The following GALM variants were observed in gnomAD, a reference collection of about 807,000 sequenced individuals.
GALM encodes galactose mutarotase.
A neutral mutation model predicts 37.4 loss-of-function variants in GALM; 43 were observed. That is an observed-to-expected ratio of 1.15 (90% CI 0.90 to 1.48). The LOEUF is 1.48. Among genes scored for constraint, GALM ranks in the 40% most tolerant of loss-of-function variants. The pLI, the probability that GALM is intolerant of heterozygous loss-of-function variation, is 0.00. For synonymous variants in GALM, 199 were observed against 170.6 expected (o/e 1.17, Z -1.30); for missense variants, 456 against 419.1 (o/e 1.09, Z -0.77).
intron 2 of GALM, among the ~76,000 whole-genome samples, chr2:38,679,324 A>G (rs1361987587): frequency 6.6e-6 from 1 of 151,708 alleles, no homozygotes; most frequent in Non-Finnish European, 1.5e-5. Flanking sequence ...TTTTCCTTCT[A>G]AACAATGGAC....
Position 38,716,434 on chromosome 2 carries a change from G to A in GALM, c.635-13122G>A, listed in dbSNP as rs535326712. ...ATTCCAAATGTGCATTTCAACATCAGGTCATGACGGTGCAACTTGTTTTGT... is the reference window on the plus strand; with the variant it reads ...ATTCCAAATGTGCATTTCAACATCAAGTCATGACGGTGCAACTTGTTTTGT... On this transcript the variant is annotated intron_variant, in intron 4 of 6. Transcript: ENST00000272252. 2.0e-5 allele frequency among the ~76,000 whole-genome samples: 3 copies of A among 152,270 alleles called. No individual in the cohort carries two copies. The East Asian group carries it at 5.8e-4, about 29-fold the overall frequency.
intron 4 of GALM, among the ~76,000 whole-genome samples, chr2:38,724,808 G>T (rs536025449): frequency 1.3e-5 from 2 of 152,196 alleles, no homozygotes; most frequent in Non-Finnish European, 2.9e-5. Context: ...TCCTGAAGGT[G>T]TTCAAGCATA....
At chr2:38,682,373 T>G (rs1286107174) in intron 3 of GALM, 5 of 325,070 alleles carry the variant, frequency 1.5e-5, no homozygotes, top group Non-Finnish European at 3.4e-5. Flanking sequence ...TGACTCACTT[T>G]GGCCTGATTT....
At position 38,733,960 on chromosome 2, in the gene GALM, A is replaced by T. The variant is rs542623890; in HGVS notation, c.*395A>T. The stretch of plus-strand genomic sequence containing the variant: ...ATTTCCTCCTCCTTCACCTCCAACC[A>T]CTGTCAGCAGCACTCTGGAGTTTTC... On this transcript the variant is annotated 3_prime_UTR_variant, in exon 7 of 7. Coordinates refer to ENST00000272252, the MANE Select transcript of GALM (RefSeq NM_138801.3). 52 of 289,168 alleles carry T rather than the reference A, an allele frequency of 1.8e-4. No homozygotes were observed. Among genetic ancestry groups the T allele is most frequent in the African/African-American group, 1.1e-3 (50 of 46,102 alleles). 17.9% of individuals were successfully genotyped at this position (289,168 alleles called of 1,614,324 possible).
rs1238998465 is a variant in GALM, at chr2:38,722,052, C to G, written c.635-7504C>G. The stretch of plus-strand genomic sequence containing the variant: ...CCTTCCCCCCCCCACCCCCCCCCCC[C>G]ACCTAGAACAGAAGCGCATCATGCG... On this transcript the variant is annotated intron_variant, in intron 4 of 6. Coordinates refer to ENST00000272252, the MANE Select transcript of GALM (RefSeq NM_138801.3). Among the ~76,000 whole-genome samples, 232 of 121,682 alleles carry G rather than the reference C, an allele frequency of 1.9e-3. 1 individual carries two copies. The highest frequency in any genetic ancestry group is 6.1e-3 in the African/African-American group (212 of 34,730). The allele number at this position is 121,682 out of a possible 152,430, so 79.8% of individuals were successfully genotyped here.
chr2:38,722,052 C>CCCCCCCCCA (rs1666391057), intron 4 of GALM, among the ~76,000 whole-genome samples: 6 of 121,570 alleles, frequency 4.9e-5, no homozygotes, highest in Non-Finnish European at 7.2e-5. Flanking sequence ...CCCCCCCCCC[C>CCCCCCCCCA]ACCTAGAACA....
intron 4 of GALM, among the ~76,000 whole-genome samples, chr2:38,709,759 A>C (rs1215550697): frequency 6.6e-6 from 1 of 152,190 alleles, no homozygotes; most frequent in Non-Finnish European, 1.5e-5. Context: ...AAAAATTCCC[A>C]CCCAGGGTGT....
chr2:38,730,204 C>G (rs1053865778), intron 5 of GALM, among the ~76,000 whole-genome samples: 1 of 152,226 alleles, frequency 6.6e-6, no homozygotes, highest in Non-Finnish European at 1.5e-5. Flanking sequence ...ACCTCTACCC[C>G]AACACCTAAT....
intron 1 of GALM, chr2:38,669,567 G>GC (rs1359071927): frequency 6.6e-6 from 1 of 152,164 alleles, no homozygotes; most frequent in Non-Finnish European, 1.5e-5. Flanking sequence ...CCTCCTATGA[G>GC]TTTTTCAACC....
intron 4 of GALM, among the ~76,000 whole-genome samples, chr2:38,723,320 C>T (rs1407403577): frequency 6.6e-6 from 1 of 152,186 alleles, no homozygotes; most frequent in African/African-American, 2.4e-5. Context: ...GCTGAAACAG[C>T]CTGCTATAAC....
chr2:38,714,961 A>C (rs937623515), intron 4 of GALM, among the ~76,000 whole-genome samples: 3 of 152,152 alleles, frequency 2.0e-5, no homozygotes, highest in African/African-American at 7.2e-5. Context: ...GGGGTTCTCA[A>C]CTATGATTGT....
rs1410482565 is a variant in GALM, at chr2:38,708,107, AAAATTAAAATAAAAT to A, written c.634+18217_634+18231del. Reference sequence around the variant, plus strand: ...GGGCAACAGAGTGAGAAACTGTATCAAAATTAAAATAAAATAAAATAAAATAAAATAAAATAAAAT... The same window carrying A: ...GGGCAACAGAGTGAGAAACTGTATCAAAAATAAAATAAAATAAAATAAAAT... On this transcript the variant is annotated intron_variant, in intron 4 of 6. Transcript: ENST00000272252. Among the ~76,000 whole-genome samples, 450 of 73,974 alleles carry A rather than the reference AAAATTAAAATAAAAT, an allele frequency of 6.1e-3. 1 individual carries two copies. Among genetic ancestry groups the A allele is most frequent in the African/African-American group, 0.014 (423 of 30,610 alleles). 48.5% of individuals were successfully genotyped at this position (73,974 alleles called of 152,430 possible).
chr2:38,701,287 A>C (rs1351102818), intron 4 of GALM, among the ~76,000 whole-genome samples: 2 of 152,110 alleles, frequency 1.3e-5, no homozygotes, highest in African/African-American at 4.8e-5. Flanking sequence ...TGATGTATAC[A>C]ATACAGTGCA....
intron 4 of GALM, among the ~76,000 whole-genome samples, chr2:38,709,182 C>T (rs1017554415): frequency 3.9e-5 from 6 of 152,000 alleles, no homozygotes; most frequent in African/African-American, 1.5e-4. Flanking sequence ...GCCCTGAAAA[C>T]CAGGGGAATA....
At chr2:38,720,615 A>G (rs1047453795) in intron 4 of GALM, among the ~76,000 whole-genome samples, 5 of 152,204 alleles carry the variant, frequency 3.3e-5, no homozygotes, top group African/African-American at 7.2e-5. Flanking sequence ...AATTGTTTCT[A>G]TTGGCGGGGA....
At chr2:38,709,735 C>T (rs116505901) in intron 4 of GALM, among the ~76,000 whole-genome samples, 2,846 of 152,246 alleles carry the variant, frequency 0.019, 89 homozygotes, top group African/African-American at 0.064. Context: ...ACTTGCCAAC[C>T]ACTGGAAGGA....
chr2:38,684,982 G>A (rs1347655895), intron 3 of GALM, among the ~76,000 whole-genome samples: 1 of 152,076 alleles, frequency 6.6e-6, no homozygotes, highest in Non-Finnish European at 1.5e-5. Context: ...CAGTATTTTG[G>A]CTTTTGTCTT....
intron 4 of GALM, among the ~76,000 whole-genome samples, chr2:38,719,073 T>C (rs1666325003): frequency 6.6e-6 from 1 of 151,856 alleles, no homozygotes. Flanking sequence ...GGCATAAATG[T>C]GTCTTGCCTG....
chr2:38,700,101 G>A (rs1213311884), intron 4 of GALM, among the ~76,000 whole-genome samples: 30 of 152,090 alleles, frequency 2.0e-4, no homozygotes, highest in Middle Eastern at 6.8e-3. Context: ...ACAGGTGCCC[G>A]CCACCACACC....
Sources: gnomAD v4.1 joint callset for allele counts (sites outside exome capture counted in the v4.1 genomes callset) on GRCh38, gnomAD v4.1.1 for gene constraint, MANE v1.5 for transcripts, NCBI Gene and HGNC (gene_info 2026-07-23, HGNC 2026-07-21) for gene names.